PGCKA1: variants seen among roughly 807,000 people sequenced by gnomAD.
The protein encoded by PGCKA1 is PDCD10 and GCKIII kinases-associated protein 1.
At chr4:37,491,954 CTGAA>C in the PGCKA1 span, among the ~76,000 whole-genome samples, 1 of 151,704 alleles carries the variant, frequency 6.6e-6, no homozygotes, top group African/African-American at 2.4e-5. Context: ...TTTTTATTCT[CTGAA>C]TGGCCTTTTT....
the PGCKA1 span, among the ~76,000 whole-genome samples, chr4:37,592,097 A>G: frequency 6.6e-6 from 1 of 151,356 alleles, no homozygotes; most frequent in Non-Finnish European, 1.5e-5. Context: ...AATCCCAGCT[A>G]CTTGGGAGGC....
At chr4:37,543,007 T>C in the PGCKA1 span, among the ~76,000 whole-genome samples, 1 of 152,202 alleles carries the variant, frequency 6.6e-6, no homozygotes, top group Non-Finnish European at 1.5e-5. Flanking sequence ...TTCCTACTGC[T>C]TGCTATCATC....
the PGCKA1 span, among the ~76,000 whole-genome samples, chr4:37,490,977 T>C: frequency 5.3e-5 from 8 of 152,254 alleles, no homozygotes; most frequent in Non-Finnish European, 1.2e-4. Context: ...GATTCTATTT[T>C]GATAAAGTCT....
the PGCKA1 span, chr4:37,591,904 C>G: frequency 6.6e-6 from 1 of 152,070 alleles, no homozygotes; most frequent in Admixed American, 6.6e-5. Flanking sequence ...ATGTTACTTT[C>G]AATGTAAAGA....
At chr4:37,478,154 C>T in the PGCKA1 span, among the ~76,000 whole-genome samples, 1 of 144,720 alleles carries the variant, frequency 6.9e-6, no homozygotes, top group African/African-American at 2.5e-5. Flanking sequence ...CCCCCCCCAC[C>T]GCCACTTACT....
the PGCKA1 span, among the ~76,000 whole-genome samples, chr4:37,533,701 G>A: frequency 9.1e-3 from 1,379 of 152,248 alleles, 22 homozygotes; most frequent in African/African-American, 0.032. Context: ...ATTTCCTTTT[G>A]TGGGAGTTGG....
the PGCKA1 span, among the ~76,000 whole-genome samples, chr4:37,571,599 G>A: frequency 2.0e-5 from 3 of 151,664 alleles, no homozygotes; most frequent in South Asian, 2.1e-4. Flanking sequence ...GTGCAATGGC[G>A]TGATCTCAGC....
the PGCKA1 span, among the ~76,000 whole-genome samples, chr4:37,473,376 G>A: frequency 9.9e-5 from 15 of 151,942 alleles, no homozygotes; most frequent in Non-Finnish European, 2.9e-5. Context: ...TCTAAAATAT[G>A]TCATTGGATG....
chr4:37,592,903 GAAGT>G, the PGCKA1 span, among the ~76,000 whole-genome samples: 1 of 152,314 alleles, frequency 6.6e-6, no homozygotes, highest in East Asian at 1.9e-4. Context: ...CTAAAACTGG[GAAGT>G]ATGTATAATG....
chr4:37,587,262 T>C, the PGCKA1 span, among the ~76,000 whole-genome samples: 1 of 152,166 alleles, frequency 6.6e-6, no homozygotes, highest in African/African-American at 2.4e-5. Flanking sequence ...AGGCAAATTG[T>C]ACCATCTGAA....
the PGCKA1 span, among the ~76,000 whole-genome samples, chr4:37,519,999 T>C: frequency 1.3e-5 from 2 of 152,226 alleles, no homozygotes; most frequent in Non-Finnish European, 2.9e-5. Flanking sequence ...AAATGCTTTT[T>C]CAGTATCAAT....
chr4:37,469,475 T>C, the PGCKA1 span, among the ~76,000 whole-genome samples: 5 of 152,118 alleles, frequency 3.3e-5, no homozygotes, highest in African/African-American at 7.2e-5. Flanking sequence ...TAGACCCTCA[T>C]TGCAAGTAGA....
At chr4:37,578,756 A>G in the PGCKA1 span, among the ~76,000 whole-genome samples, 1 of 152,210 alleles carries the variant, frequency 6.6e-6, no homozygotes, top group Admixed American at 6.5e-5. Context: ...AGGCCTGCAA[A>G]TACTATCCTA....
At chr4:37,518,127 G>A in the PGCKA1 span, among the ~76,000 whole-genome samples, 2 of 152,186 alleles carry the variant, frequency 1.3e-5, no homozygotes, top group Non-Finnish European at 2.9e-5. Flanking sequence ...ATTCCCTTGT[G>A]TATATGTACC....
chr4:37,517,315 A>T, the PGCKA1 span, among the ~76,000 whole-genome samples: 1 of 147,922 alleles, frequency 6.8e-6, no homozygotes. Context: ...ATAAATATAT[A>T]TATAGAGAGA....
At chr4:37,563,896 T>C in the PGCKA1 span, among the ~76,000 whole-genome samples, 4 of 152,182 alleles carry the variant, frequency 2.6e-5, no homozygotes, top group African/African-American at 9.7e-5. Context: ...ACGGCCCAGT[T>C]CCCATGTGGT....
chr4:37,525,749 G>GACT, the PGCKA1 span, among the ~76,000 whole-genome samples: 1 of 151,920 alleles, frequency 6.6e-6, no homozygotes, highest in African/African-American at 2.4e-5. Flanking sequence ...GGCTTCACTC[G>GACT]ATGACTATTC....
the PGCKA1 span, among the ~76,000 whole-genome samples, chr4:37,525,138 C>T: frequency 3.3e-5 from 5 of 152,100 alleles, no homozygotes; most frequent in Non-Finnish European, 7.4e-5. Context: ...ATCAATGGGT[C>T]AGTAATGCAG....
At chr4:37,490,873 A>G in the PGCKA1 span, among the ~76,000 whole-genome samples, 4 of 152,334 alleles carry the variant, frequency 2.6e-5, no homozygotes, top group East Asian at 7.7e-4. Context: ...TACAATAAAC[A>G]AATGTAGAGT....
Sources: gnomAD v4.1 joint callset for allele counts (sites outside exome capture counted in the v4.1 genomes callset) on GRCh38, gnomAD v4.1.1 for gene constraint, MANE v1.5 for transcripts, NCBI Gene and HGNC (gene_info 2026-07-23, HGNC 2026-07-21) for gene names.